TGIF1: variants seen among roughly 807,000 people sequenced by gnomAD.
TGIF1 encodes the protein homeobox protein TGIF1.
Under a neutral mutation model 19.3 loss-of-function variants are expected in TGIF1, and 4 were observed. That is an observed-to-expected ratio of 0.21 (90% confidence interval 0.10 to 0.47). The LOEUF is 0.47. Ranked by LOEUF, TGIF1 falls within the 20% of genes least tolerant of loss-of-function variation. TGIF1 has a pLI of 0.98. For missense variants in TGIF1, 275 were observed against 341.4 expected, an observed-to-expected ratio of 0.81 and a Z score of 1.53; for synonymous variants, 122 against 129.3, an observed-to-expected ratio of 0.94 and a Z score of 0.38.
At chr18:3,449,934 G>A, upstream of TGIF1, 2 of 986,366 alleles carry the variant, frequency 2.0e-6, no homozygotes, top group Non-Finnish European at 2.4e-6. Context: ...CGCCGGGCGA[G>A]GGATGCGGGC....
intron 1 of TGIF1, chr18:3,452,171 G>T (rs1381875279): frequency 6.2e-7 from 1 of 1,613,554 alleles, no homozygotes; most frequent in Non-Finnish European, 8.5e-7. Context: ...CCCCAGCGCC[G>T]TGGTCCTCCC....
chr18:3,448,171 A>G (rs914586262), upstream of TGIF1: 8 of 985,106 alleles, frequency 8.1e-6, no homozygotes, highest in Middle Eastern at 5.2e-4. Context: ...GTTAGCAAAC[A>G]AAGCGTCTCC....
At chr18:3,447,881 A>C, upstream of TGIF1, 2 of 1,574,558 alleles carry the variant, frequency 1.3e-6, no homozygotes, top group Non-Finnish European at 1.7e-6. Flanking sequence ...TCTCCTGGAA[A>C]GTTTGTTTTC....
intron 2 of TGIF1, among the ~76,000 whole-genome samples, chr18:3,422,300 A>T (rs1400318319): frequency 3.7e-5 from 5 of 136,576 alleles, no homozygotes; most frequent in African/African-American, 1.7e-4. Context: ...AAAAAGTAAA[A>T]AAAAAAAAAA....
chr18:3,418,076 G>C (rs1384033070), intron 1 of TGIF1: 1 of 152,036 alleles, frequency 6.6e-6, no homozygotes, highest in African/African-American at 2.4e-5. Context: ...GAAGGGCCCA[G>C]TGTTACAATG....
chr18:3,426,411 C>T (rs1050282079), intron 2 of TGIF1, among the ~76,000 whole-genome samples: 7 of 152,068 alleles, frequency 4.6e-5, no homozygotes, highest in South Asian at 2.1e-4. Flanking sequence ...TCCAGCGATC[C>T]GCCTGCCTCT....
intron 2 of TGIF1, among the ~76,000 whole-genome samples, chr18:3,421,894 G>A (rs2082403236): frequency 6.6e-6 from 1 of 151,868 alleles, no homozygotes; most frequent in Admixed American, 6.6e-5. Context: ...AGATATACAG[G>A]TGAAAGACAG....
At chr18:3,445,207 C>T (rs150609842), upstream of TGIF1, among the ~76,000 whole-genome samples, 586 of 152,244 alleles carry the variant, frequency 3.8e-3, 3 homozygotes, top group African/African-American at 0.013. Context: ...AACATTTAGG[C>T]CTAGCCTTGA....
chr18:3,416,102 T>C (rs372383381), intron 1 of TGIF1, among the ~76,000 whole-genome samples: 89 of 152,354 alleles, frequency 5.8e-4, no homozygotes, highest in African/African-American at 2.1e-3. Flanking sequence ...TAGCATCAGA[T>C]ATCTAGAAAG....
intron 2 of TGIF1, among the ~76,000 whole-genome samples, chr18:3,432,032 G>A (rs1444431455): frequency 1.3e-5 from 2 of 151,022 alleles, no homozygotes; most frequent in Non-Finnish European, 1.5e-5. Context: ...GGAGGCTGAG[G>A]CAGGAGAATG....
rs1350545552 is a variant in TGIF1 at position 3,458,334 on chromosome 18, A to T, written c.*394A>T. The T allele has an allele frequency of 1.8e-5, 3 of 165,592 alleles. No homozygotes were observed. The highest frequency in any genetic ancestry group is 3.9e-5 in the Non-Finnish European group (3 of 76,912). 10.3% of individuals were successfully genotyped at this position (165,592 alleles called of 1,614,324 possible). On this transcript the variant is annotated 3_prime_UTR_variant, in exon 3 of 3. Coordinates refer to ENST00000343820, the MANE Select transcript of TGIF1 (RefSeq NM_003244.4). The stretch of plus-strand genomic sequence containing the variant: ...ATACTGTCTAATTAATAAATTTTCC[A>T]TTTTTTTTCAAACAAGTATGAATCT...
intron 2 of TGIF1, among the ~76,000 whole-genome samples, chr18:3,419,633 T>C (rs2082375148): frequency 6.6e-6 from 1 of 152,250 alleles, no homozygotes; most frequent in Non-Finnish European, 1.5e-5. Flanking sequence ...CATAATGACT[T>C]CTAATTTCCA....
chr18:3,437,664 T>G (rs1027551580), intron 2 of TGIF1, among the ~76,000 whole-genome samples: 16 of 152,316 alleles, frequency 1.1e-4, no homozygotes, highest in Non-Finnish European at 1.5e-4. Context: ...GGCTTGTATT[T>G]CTGGCTGGGG....
intron 2 of TGIF1, among the ~76,000 whole-genome samples, chr18:3,420,560 G>C (rs1328440899): frequency 1.3e-5 from 2 of 152,132 alleles, no homozygotes; most frequent in Admixed American, 6.6e-5. Context: ...AAAAGACAGA[G>C]ACTATCAGAG....
At chr18:3,417,445 C>G (rs945079782) in intron 1 of TGIF1, among the ~76,000 whole-genome samples, 2 of 152,208 alleles carry the variant, frequency 1.3e-5, no homozygotes, top group Non-Finnish European at 2.9e-5. Flanking sequence ...CAGGCATGAG[C>G]CACCGTGCCT....
At chr18:3,423,553 C>A (rs539231244) in intron 2 of TGIF1, among the ~76,000 whole-genome samples, 3 of 152,068 alleles carry the variant, frequency 2.0e-5, no homozygotes, top group East Asian at 3.9e-4. Context: ...TGGTGTCGGG[C>A]GCCTGTGATC....
intron 2 of TGIF1, among the ~76,000 whole-genome samples, chr18:3,440,038 AG>A (rs887584765): frequency 5.3e-5 from 8 of 151,414 alleles, no homozygotes; most frequent in African/African-American, 1.9e-4. Flanking sequence ...AAAAAAAAAA[AG>A]TACTGATTTA....
intron 2 of TGIF1, among the ~76,000 whole-genome samples, chr18:3,423,215 G>T (rs902044843): frequency 2.6e-5 from 4 of 152,050 alleles, no homozygotes; most frequent in African/African-American, 9.7e-5. Flanking sequence ...TCTCCCCGTC[G>T]TTGATGCATG....
chr18:3,418,038 T>C lies in TGIF1; in HGVS notation c.-117-105T>C, dbSNP rs1484486153. The C allele has an allele frequency of 2.0e-5, 3 of 152,260 alleles. No homozygotes were observed. In the East Asian group the frequency reaches 5.8e-4, roughly 29 times the overall value. 9.4% of individuals were successfully genotyped at this position (152,260 alleles called of 1,614,324 possible). A position where few individuals can be genotyped will look rare whatever the true frequency, so the allele number is the denominator to read the frequency against. On this transcript the variant is annotated intron_variant, in intron 1 of 3. Transcript: ENST00000401449. Reference sequence around the variant, plus strand: ...ACATATGATCGAAGTTGGTTTTTTTTTTTCCTCTCCCCAAATTGTCTATCG... The same window carrying C: ...ACATATGATCGAAGTTGGTTTTTTTCTTTCCTCTCCCCAAATTGTCTATCG...
Sources: allele counts gnomAD v4.1 joint callset (sites outside exome capture counted in the v4.1 genomes callset), GRCh38; gene constraint gnomAD v4.1.1; transcripts MANE v1.5; gene names NCBI Gene and HGNC (gene_info 2026-07-23, HGNC 2026-07-21).